The following DAGLA variants were observed in gnomAD, a reference collection of about 807,000 sequenced individuals.
The protein encoded by DAGLA is diacylglycerol lipase-alpha.
DAGLA carries 22 observed loss-of-function variants against 102.6 expected under a neutral mutation model. The observed-to-expected ratio is 0.21, with a 90% CI of 0.15 to 0.31. The LOEUF (loss-of-function observed/expected upper bound fraction) is 0.31, where lower values mean the gene tolerates loss of function less well. Ranked by LOEUF, DAGLA falls within the 10% of genes least tolerant of loss-of-function variation. The pLI is 1.00. For synonymous variants in DAGLA, 578 were observed against 628.9 expected (o/e 0.92, Z 1.21); for missense variants, 927 against 1,446.6 (o/e 0.64, Z 5.83).
intron 4 of DAGLA, 57 bp downstream of exon 4, chr11:61,723,017 G>A: frequency 6.7e-6 from 9 of 1,338,776 alleles, no homozygotes; most frequent in Non-Finnish European, 9.7e-6. Flanking sequence ...CAGGGGACGA[G>A]ATCAGTTTAG....
At chr11:61,681,363 G>A (rs947811604) in intron 1 of DAGLA, among the ~76,000 whole-genome samples, 1 of 152,164 alleles carries the variant, frequency 6.6e-6, no homozygotes, top group African/African-American at 2.4e-5. Context: ...CGTTGTCCTG[G>A]GCTAAGGTAG....
chr11:61,702,121 C>T (rs189472371), intron 1 of DAGLA, among the ~76,000 whole-genome samples: 11 of 152,192 alleles, frequency 7.2e-5, no homozygotes, highest in Admixed American at 4.6e-4. Context: ...TTACTAGTTT[C>T]GAACTCCTGG....
intron 1 of DAGLA, among the ~76,000 whole-genome samples, chr11:61,695,248 C>T (rs1009058917): frequency 9.9e-5 from 15 of 152,022 alleles, no homozygotes; most frequent in Non-Finnish European, 2.1e-4. Context: ...TTGCTTTCCC[C>T]GCTCTTTCTG....
At chr11:61,739,390 T>G in intron 16 of DAGLA, 75 bp from the exon 17 acceptor site, 6 of 1,368,718 alleles carry the variant, frequency 4.4e-6, no homozygotes, top group Admixed American at 1.8e-5. Flanking sequence ...GCCCCCCTTC[T>G]CGGTCCCCCT....
chr11:61,728,866 C>T, intron 7 of DAGLA, 65 bp from the exon 8 acceptor site: 1 of 1,466,680 alleles, frequency 6.8e-7, no homozygotes, highest in East Asian at 2.3e-5. Context: ...GCCTGGGCCC[C>T]CTTTCCCAGC....
At chr11:61,710,446 T>C (rs1376962808) in intron 1 of DAGLA, among the ~76,000 whole-genome samples, 3 of 152,266 alleles carry the variant, frequency 2.0e-5, no homozygotes, top group East Asian at 3.9e-4. Flanking sequence ...AGCTGATAGA[T>C]GCGGGGCATC....
intron 1 of DAGLA, among the ~76,000 whole-genome samples, chr11:61,695,758 T>C (rs2065059820): frequency 6.6e-6 from 1 of 152,196 alleles, no homozygotes; most frequent in African/African-American, 2.4e-5. Flanking sequence ...CTTGCCTTTT[T>C]GGGGTCCAGG....
At chr11:61,681,753 C>T (rs1591019075) in intron 1 of DAGLA, among the ~76,000 whole-genome samples, 2 of 152,250 alleles carry the variant, frequency 1.3e-5, no homozygotes, top group Admixed American at 1.3e-4. Context: ...CTCTGTCTGT[C>T]CTCTCTGCTT....
rs35056845 is a variant in DAGLA at position 61,743,564 on chromosome 11, G to A, written c.2204G>A (p.Gly735Asp). The A allele has an allele frequency of 1.3e-6, 2 of 1,545,882 alleles. No homozygotes were observed. The highest frequency in any genetic ancestry group is 1.4e-5 in the African/African-American group (1 of 72,926). Residue 735 changes from glycine to aspartate, a missense_variant, in exon 20 of 20, where the codon GGC becomes GAC. This residue lies in a region of DAGLA where 434 missense variants were observed against 503.3 expected (regional missense o/e 0.86). Transcript: ENST00000257215. ...TCCCAGTCTGAGATGAGCCTGGAGGGCTTCTCGGAGGGGCGGCTGCTGTCG... is the reference window on the plus strand; with the variant it reads ...TCCCAGTCTGAGATGAGCCTGGAGGACTTCTCGGAGGGGCGGCTGCTGTCG... ...SKSQSEMSLE[G>D]FSEGRLLSPV...
intron 15 of DAGLA, 72 bp downstream of exon 15, chr11:61,737,827 C>A: frequency 1.6e-6 from 2 of 1,278,464 alleles, no homozygotes; most frequent in Admixed American, 1.7e-5. Context: ...TCCCCACCCC[C>A]AGCCCCCGCA....
Position 61,743,636 on chromosome 11 carries a change from T to C in DAGLA, c.2276T>C (p.Leu759Pro). ...CGCCAGGACCCGGTGGAGCTGCTGC[T>C]GCTGTCTACCCAGGAGCGGCTGGCG... ...AARQDPVELL[L>P]LSTQERLAAE... The change falls in exon 20 of 20, where the codon CTG becomes CCG. Residue 759 changes from leucine (L) to proline (P), a missense_variant. Physicochemically the swap from Leu to Pro is moderately conservative, Grantham distance 98. This residue lies in a region of DAGLA where 434 missense variants were observed against 503.3 expected (regional missense o/e 0.86). Coordinates refer to ENST00000257215, the MANE Select transcript of DAGLA (RefSeq NM_006133.3). The C allele has an allele frequency of 6.3e-7, 1 of 1,598,056 alleles. No individual in the cohort carries two copies. Among genetic ancestry groups the C allele is most frequent in the Non-Finnish European group, 8.5e-7 (1 of 1,175,972 alleles).
chr11:61,712,690 C>T (rs961234689), intron 1 of DAGLA, among the ~76,000 whole-genome samples: 11 of 152,342 alleles, frequency 7.2e-5, no homozygotes, highest in Middle Eastern at 3.4e-3. Context: ...CCCCAGCCCA[C>T]ACGTGCTTTC....
chr11:61,723,035 G>A, intron 4 of DAGLA, 75 bp downstream of exon 4: 1 of 1,266,780 alleles, frequency 7.9e-7, no homozygotes, highest in Non-Finnish European at 1.2e-6. Flanking sequence ...TAGAGAGGAA[G>A]AAGCTTGGGC....
intron 1 of DAGLA, among the ~76,000 whole-genome samples, chr11:61,697,895 G>A (rs971155633): frequency 7.9e-5 from 12 of 152,058 alleles, no homozygotes; most frequent in African/African-American, 2.7e-4. Context: ...AGGTGTCTCT[G>A]CAGTGAGGAG....
intron 1 of DAGLA, among the ~76,000 whole-genome samples, chr11:61,714,025 A>G (rs575184829): frequency 6.6e-6 from 1 of 152,356 alleles, no homozygotes; most frequent in East Asian, 1.9e-4. Flanking sequence ...AAAACCCTGC[A>G]GAGCGAAAAA....
At chr11:61,739,714 A>G in intron 17 of DAGLA, 53 bp downstream of exon 17, 1 of 1,562,190 alleles carries the variant, frequency 6.4e-7, no homozygotes, top group Non-Finnish European at 8.7e-7. Flanking sequence ...GGGCAGGGGC[A>G]GTGGAGAGCA....
At chr11:61,708,238 C>A (rs1363605794) in intron 1 of DAGLA, among the ~76,000 whole-genome samples, 1 of 152,166 alleles carries the variant, frequency 6.6e-6, no homozygotes, top group Non-Finnish European at 1.5e-5. Flanking sequence ...GATCTCCTGG[C>A]CTCAAGTCAT....
chr11:61,717,260 G>A (rs1036136755), intron 1 of DAGLA, among the ~76,000 whole-genome samples: 1 of 152,176 alleles, frequency 6.6e-6, no homozygotes, highest in African/African-American at 2.4e-5. Context: ...GGTCTCTAGA[G>A]AAAGGGCACC....
intron 3 of DAGLA, among the ~76,000 whole-genome samples, chr11:61,722,233 A>T (rs198428): frequency 0.6 from 91,321 of 152,170 alleles, 28,064 homozygotes; most frequent in East Asian, 0.93. Context: ...AGAGATTAGG[A>T]AACTTGCCTA....
Sources: allele counts gnomAD v4.1 joint callset (sites outside exome capture counted in the v4.1 genomes callset), GRCh38; gene constraint gnomAD v4.1.1; regional missense constraint gnomAD v4.1.1; transcripts MANE v1.5; gene names NCBI Gene and HGNC (gene_info 2026-07-23, HGNC 2026-07-21).